Variants in GAS2 observed in about 807,000 individuals in gnomAD.
GAS2 encodes growth arrest specific 2, also known as growth arrest-specific protein 2.
Under a neutral mutation model 37.5 loss-of-function variants are expected in GAS2, and 20 were observed. The observed-to-expected ratio is 0.53, with a 90% CI of 0.37 to 0.77. The LOEUF is 0.77. Ranked by LOEUF, GAS2 falls within the 30% of genes least tolerant of loss-of-function variation. GAS2 has a pLI of 0.00. For synonymous variants in GAS2, 144 were observed against 132.2 expected, an observed-to-expected ratio of 1.09 and a Z score of -0.61; for missense variants, 336 against 373.4, an observed-to-expected ratio of 0.90 and a Z score of 0.82.
At chr11:22,804,466 C>T (rs963623157) in intron 7 of GAS2, among the ~76,000 whole-genome samples, 1 of 151,966 alleles carries the variant, frequency 6.6e-6, no homozygotes, top group African/African-American at 2.4e-5. Flanking sequence ...CATTAGAAGC[C>T]GTCTGGCTTC....
chr11:22,770,861 G>A lies in GAS2; in HGVS notation c.723+14908G>A, dbSNP rs1006830198. On this transcript the variant is annotated intron_variant, in intron 7 of 7. Coordinates refer to ENST00000454584, the MANE Select transcript of GAS2 (RefSeq NM_001143830.3). Reference sequence around the variant, plus strand: ...ATCACAGTTTGCATTTTTAGGTGGCGTTCATGTACCTTTCTTCATTGAAGA... The same window carrying A: ...ATCACAGTTTGCATTTTTAGGTGGCATTCATGTACCTTTCTTCATTGAAGA... Among the ~76,000 whole-genome samples, 174 of 152,222 alleles carry A rather than the reference G, an allele frequency of 1.1e-3. 2 individuals are homozygous for A. The highest frequency in any genetic ancestry group is 3.4e-3 in the African/African-American group (141 of 41,530).
chr11:22,765,468 C>CTG (rs1854635781), intron 7 of GAS2, among the ~76,000 whole-genome samples: 1 of 151,920 alleles, frequency 6.6e-6, no homozygotes, highest in South Asian at 2.1e-4. Context: ...TAGGCCATTA[C>CTG]TGCATTGCTA....
chr11:22,707,573 C>T (rs1004643304), intron 3 of GAS2, among the ~76,000 whole-genome samples: 1 of 152,092 alleles, frequency 6.6e-6, no homozygotes, highest in Non-Finnish European at 1.5e-5. Context: ...AACAGTTTGT[C>T]TAAGTGCTCG....
intron 1 of GAS2, among the ~76,000 whole-genome samples, chr11:22,647,839 G>A (rs1410539513): frequency 1.3e-5 from 2 of 152,148 alleles, no homozygotes; most frequent in Non-Finnish European, 2.9e-5. Context: ...TGTCAGATGA[G>A]TAGGTTGCAA....
rs1852218657 is a variant in GAS2 at position 22,726,397 on chromosome 11, G to A, written c.373G>A (p.Val125Met). 6.2e-7 allele frequency: 1 copy of A among 1,612,588 alleles called. No homozygotes were observed. The highest frequency in any genetic ancestry group is 8.5e-7 in the Non-Finnish European group (1 of 1,179,308). Residue 125 changes from valine (V) to methionine (M), a missense_variant, in exon 4 of 8, where the codon GTG (valine) becomes ATG (methionine). By Grantham distance (21) the Val-to-Met change is conservative. Coordinates refer to ENST00000454584, the MANE Select transcript of GAS2 (RefSeq NM_001143830.3). ...CTTATCCTGGTGCCGAGATTTAGGG[G>A]TGGATGAAACGTGTCTATTTGAATC... is the stretch of plus-strand genomic sequence containing the variant. ...NFLSWCRDLGVDETCLFESEG... is the reference protein window; with the variant it reads ...NFLSWCRDLGMDETCLFESEG...
In GAS2 at chr11:22,674,976, T is replaced by TGAAAGAAGATCTGGCCTTGTGGTTA; in HGVS notation, c.108_132dup (p.Thr45GlufsTer49). 1 of 1,613,938 alleles carries TGAAAGAAGATCTGGCCTTGTGGTTA rather than the reference T, an allele frequency of 6.2e-7. No individual in the cohort carries two copies. Among genetic ancestry groups the TGAAAGAAGATCTGGCCTTGTGGTTA allele is most frequent in the Non-Finnish European group, 8.5e-7 (1 of 1,179,888 alleles). ...AGACATGAAGCTAATTTGCTACCAA[T>TGAAAGAAGATCTGGCCTTGTGGTTA]GAAAGAAGATCTGGCCTTGTGGTTA... is the stretch of plus-strand genomic sequence containing the variant. On this transcript the variant is annotated frameshift_variant, in exon 2 of 8. Coordinates refer to ENST00000454584, the MANE Select transcript of GAS2 (RefSeq NM_001143830.3). LOFTEE classifies it high-confidence loss of function.
intron 3 of GAS2, among the ~76,000 whole-genome samples, chr11:22,704,138 A>G (rs1324629207): frequency 1.3e-5 from 2 of 152,146 alleles, no homozygotes; most frequent in Non-Finnish European, 2.9e-5. Context: ...TGTAGGTGTT[A>G]TGGAGGATGT....
At chr11:22,735,572 T>C (rs1852710758) in intron 4 of GAS2, among the ~76,000 whole-genome samples, 1 of 151,834 alleles carries the variant, frequency 6.6e-6, no homozygotes, top group Non-Finnish European at 1.5e-5. Flanking sequence ...GCAAAAGCTG[T>C]TTTAAATTGG....
chr11:22,804,468 T>A (rs1027656641), intron 7 of GAS2, among the ~76,000 whole-genome samples: 1 of 152,116 alleles, frequency 6.6e-6, no homozygotes, highest in Non-Finnish European at 1.5e-5. Context: ...TTAGAAGCCG[T>A]CTGGCTTCCT....
chr11:22,629,680 T>C (rs945123488), intron 1 of GAS2, among the ~76,000 whole-genome samples: 6 of 152,200 alleles, frequency 3.9e-5, no homozygotes, highest in Non-Finnish European at 7.3e-5. Flanking sequence ...TGCTGGTTTC[T>C]GTGAGTTCCT....
At chr11:22,639,575 AT>A (rs564344623) in intron 1 of GAS2, among the ~76,000 whole-genome samples, 46 of 152,264 alleles carry the variant, frequency 3.0e-4, no homozygotes, top group African/African-American at 1.0e-3. Flanking sequence ...AAATCGTCAA[AT>A]GAATTGTAAT....
intron 4 of GAS2, among the ~76,000 whole-genome samples, chr11:22,737,155 G>A (rs187168629): frequency 6.6e-6 from 1 of 152,218 alleles, no homozygotes; most frequent in African/African-American, 2.4e-5. Flanking sequence ...AATCAGATTT[G>A]ATTAGAAGGG....
chr11:22,680,639 T>A (rs12576905), intron 2 of GAS2, among the ~76,000 whole-genome samples: 1 of 152,150 alleles, frequency 6.6e-6, no homozygotes, highest in Non-Finnish European at 1.5e-5. Context: ...AATGATATTG[T>A]TAGCCATTCT....
rs941424199 is a variant in GAS2 at position 22,648,223 on chromosome 11, C to G, written c.-21+22410C>G. The stretch of plus-strand genomic sequence containing the variant: ...TGTTTTTCTCAGGTTTGTCAAAGAT[C>G]AGATAGTTGTAGATATGCGGCGTTA... On this transcript the variant is annotated intron_variant, in intron 1 of 5. Coordinates refer to the GAS2 transcript ENST00000528582. 4.8e-4 allele frequency among the ~76,000 whole-genome samples: 73 copies of G among 151,812 alleles called. 1 individual carries two copies. Among genetic ancestry groups the G allele is most frequent in the Non-Finnish European group, 8.7e-4 (59 of 67,694 alleles).
chr11:22,762,100 G>A (rs1854423144), intron 7 of GAS2, among the ~76,000 whole-genome samples: 1 of 152,044 alleles, frequency 6.6e-6, no homozygotes. Context: ...TGAAGCAAAT[G>A]GAATAATTTG....
At chr11:22,651,820 C>G (rs1848780094) in intron 1 of GAS2, among the ~76,000 whole-genome samples, 1 of 152,176 alleles carries the variant, frequency 6.6e-6, no homozygotes, top group African/African-American at 2.4e-5. Flanking sequence ...ATACATTCTT[C>G]TAAACTTTTT....
intron 3 of GAS2, among the ~76,000 whole-genome samples, chr11:22,700,615 AT>A (rs1850790157): frequency 6.6e-6 from 1 of 152,202 alleles, no homozygotes; most frequent in South Asian, 2.1e-4. Flanking sequence ...TGTAAATGTT[AT>A]TATATAGTGA....
At chr11:22,793,098 A>G (rs1856249117) in intron 7 of GAS2, among the ~76,000 whole-genome samples, 1 of 151,994 alleles carries the variant, frequency 6.6e-6, no homozygotes, top group South Asian at 2.1e-4. Flanking sequence ...ACATGGTGAA[A>G]CCCCATCTCT....
intron 1 of GAS2, among the ~76,000 whole-genome samples, chr11:22,636,885 A>T (rs542758848): frequency 6.9e-6 from 1 of 145,530 alleles, no homozygotes; most frequent in Non-Finnish European, 1.5e-5. Flanking sequence ...GAAAATTTAT[A>T]TTACCTATTT....
Sources: allele counts gnomAD v4.1 joint callset (sites outside exome capture counted in the v4.1 genomes callset), GRCh38; gene constraint gnomAD v4.1.1; transcripts MANE v1.5; gene names NCBI Gene and HGNC (gene_info 2026-07-23, HGNC 2026-07-21).